The following THEM4 variants were observed in gnomAD, a reference collection of about 807,000 sequenced individuals.
THEM4 encodes acyl-coenzyme A thioesterase THEM4.
THEM4 carries 22 observed loss-of-function variants against 25.0 expected under a neutral mutation model. The observed-to-expected ratio is 0.88, with a 90% CI of 0.63 to 1.26. The LOEUF (loss-of-function observed/expected upper bound fraction) is 1.26, where lower values mean the gene tolerates loss of function less well. THEM4 is among the 50% of genes most tolerant of loss of function. The pLI, the probability that THEM4 is intolerant of heterozygous loss-of-function variation, is 0.00. For missense variants in THEM4, 286 were observed against 300.3 expected (o/e 0.95, Z 0.35); for synonymous variants, 113 against 105.6 (o/e 1.07, Z -0.43).
intron 4 of THEM4, among the ~76,000 whole-genome samples, chr1:151,884,370 T>C (rs1296004156): frequency 6.6e-6 from 1 of 152,232 alleles, no homozygotes; most frequent in Non-Finnish European, 1.5e-5. Flanking sequence ...CTGTGTTATC[T>C]ATCCATAAGA....
Position 151,909,380 on chromosome 1 carries a change from T to G in THEM4, c.79A>C (p.Ser27Arg). ...CTCACCAGCTCGGGTCGCGGCTCGC[T>G]TCCCGGCAGGCGCCGGCCTACTGGC... ...LPPVGRRLPG[S>R]EPRPELRSFS... Residue 27 changes from serine (S) to arginine (R), a missense_variant, in exon 1 of 6, where the codon AGC becomes CGC. Ser to Arg is a moderately radical substitution (Grantham distance 110, BLOSUM62 -1). Coordinates refer to ENST00000368814, the MANE Select transcript of THEM4 (RefSeq NM_053055.5). The G allele has an allele frequency of 6.6e-7, 1 of 1,507,252 alleles. No homozygotes were observed. Among genetic ancestry groups the G allele is most frequent in the Non-Finnish European group, 8.8e-7 (1 of 1,134,128 alleles). The allele number at this position is 1,507,252 out of a possible 1,614,324, so 93.4% of individuals were successfully genotyped here. A position where few individuals can be genotyped will look rare whatever the true frequency, so the allele number is the denominator to read the frequency against.
chr1:151,891,462 T>A (rs1188542382), intron 2 of THEM4: 1 of 152,196 alleles, frequency 6.6e-6, no homozygotes, highest in East Asian at 1.9e-4. Flanking sequence ...GATGGTTGGA[T>A]TCATCCAGGG....
chr1:151,892,116 C>G (rs1182043001), intron 2 of THEM4, among the ~76,000 whole-genome samples: 1 of 152,030 alleles, frequency 6.6e-6, no homozygotes, highest in Non-Finnish European at 1.5e-5. Context: ...GGTTTGAAAA[C>G]AAGTGTGGGT....
chr1:151,879,794 T>C (rs1244063674), intron 4 of THEM4, among the ~76,000 whole-genome samples: 1 of 150,150 alleles, frequency 6.7e-6, no homozygotes, highest in Admixed American at 6.6e-5. Context: ...GTAGCTGGGA[T>C]TACAGGCACA....
At chr1:151,880,468 ACT>A (rs1056490845) in intron 4 of THEM4, among the ~76,000 whole-genome samples, 2 of 150,862 alleles carry the variant, frequency 1.3e-5, no homozygotes, top group Admixed American at 6.6e-5. Context: ...ACAGAGCGAG[ACT>A]CTGTCTTGAA....
chr1:151,907,100 A>G lies in THEM4; in HGVS notation c.99+2260T>C, dbSNP rs145802673. Among the ~76,000 whole-genome samples the G allele has an allele frequency of 1.4e-3, 215 of 152,276 alleles. 1 individual carries two copies. Among genetic ancestry groups the G allele is most frequent in the African/African-American group, 4.9e-3 (202 of 41,542 alleles). ...TGTAACACTCACCGCGAAGGTCTGCAGCTTCACTCCTGAAGCCAACGAGAC... is the reference window on the plus strand; with the variant it reads ...TGTAACACTCACCGCGAAGGTCTGCGGCTTCACTCCTGAAGCCAACGAGAC... On this transcript the variant is annotated intron_variant, in intron 1 of 5. Transcript: ENST00000368814.
chr1:151,891,887 G>A (rs909854354), intron 2 of THEM4, among the ~76,000 whole-genome samples: 1 of 152,168 alleles, frequency 6.6e-6, no homozygotes, highest in Non-Finnish European at 1.5e-5. Context: ...ACAGATGACA[G>A]CAACAAGGAG....
In THEM4 at chr1:151,871,073, CCA is replaced by C. The variant is rs1653541122; in HGVS notation, c.*3813_*3814del. 6.6e-6 allele frequency among the ~76,000 whole-genome samples: 1 copy of C among 151,826 alleles called. No individual in the cohort carries two copies. The highest frequency in any genetic ancestry group is 6.6e-5 in the Admixed American group (1 of 15,256). ...AGCAAGGTGGCTCATGCCTGTAATCCCAGTACTTTGGCAGGCTGAGGTGGGCA... is the reference window on the plus strand; with the variant it reads ...AGCAAGGTGGCTCATGCCTGTAATCCGTACTTTGGCAGGCTGAGGTGGGCA... On this transcript the variant is annotated 3_prime_UTR_variant, in exon 6 of 6. Transcript: ENST00000368814.
intron 1 of THEM4, 116 bp from the exon 2 acceptor site, chr1:151,895,310 C>A (rs1365843605): frequency 1.1e-6 from 1 of 906,924 alleles, no homozygotes; most frequent in Non-Finnish European, 1.6e-6. Context: ...AAGCTTGTCA[C>A]TTCAAAATGG....
intron 5 of THEM4, among the ~76,000 whole-genome samples, chr1:151,876,357 C>T (rs2101714433): frequency 6.6e-6 from 1 of 152,260 alleles, no homozygotes; most frequent in Non-Finnish European, 1.5e-5. Flanking sequence ...ATCACTGGAA[C>T]CCGATAGCAA....
chr1:151,900,795 TG>T (rs1397013034), intron 1 of THEM4, among the ~76,000 whole-genome samples: 1 of 152,180 alleles, frequency 6.6e-6, no homozygotes, highest in Admixed American at 6.5e-5. Context: ...GGCCATAAAC[TG>T]GCCCCAAAAC....
intron 1 of THEM4, among the ~76,000 whole-genome samples, chr1:151,896,517 T>C (rs1245624049): frequency 6.6e-6 from 1 of 152,202 alleles, no homozygotes; most frequent in Non-Finnish European, 1.5e-5. Flanking sequence ...TAGGTACTAT[T>C]TATTATCCTC....
chr1:151,887,698 T>G (rs766087850), intron 4 of THEM4, among the ~76,000 whole-genome samples: 4 of 152,106 alleles, frequency 2.6e-5, no homozygotes, highest in African/African-American at 9.7e-5. Flanking sequence ...TGCAGTGGCA[T>G]GATCCTAGCT....
chr1:151,908,558 T>G (rs1310271428), intron 1 of THEM4, among the ~76,000 whole-genome samples: 1 of 152,214 alleles, frequency 6.6e-6, no homozygotes, highest in Admixed American at 6.5e-5. Context: ...TATTGGCCGC[T>G]TGGTGGAGCT....
intron 1 of THEM4, among the ~76,000 whole-genome samples, chr1:151,895,988 C>CTT (rs1176553580): frequency 1.3e-3 from 150 of 119,160 alleles, no homozygotes; most frequent in Middle Eastern, 5.7e-3. Flanking sequence ...TTCTTGCTTC[C>CTT]TTTTTTTTTT....
chr1:151,875,666 G>T (rs1653655833), intron 5 of THEM4, among the ~76,000 whole-genome samples: 2 of 151,950 alleles, frequency 1.3e-5, no homozygotes, highest in South Asian at 4.2e-4. Flanking sequence ...CATATGAAGA[G>T]ACACTCAACC....
chr1:151,878,913 C>CACAT (rs1653748255), intron 4 of THEM4, among the ~76,000 whole-genome samples: 1 of 151,256 alleles, frequency 6.6e-6, no homozygotes, highest in South Asian at 2.1e-4. Context: ...CACACACACA[C>CACAT]ACACACACAC....
chr1:151,878,395 C>T (rs749159105), intron 4 of THEM4, among the ~76,000 whole-genome samples: 19 of 152,298 alleles, frequency 1.2e-4, no homozygotes, highest in South Asian at 8.3e-4. Context: ...TTCTCTGAGG[C>T]GCTAGGCTTA....
chr1:151,889,438 A>C, intron 2 of THEM4, 65 bp from the exon 3 acceptor site: 1 of 1,531,500 alleles, frequency 6.5e-7, no homozygotes, highest in Non-Finnish European at 9.0e-7. Context: ...GGCAGAGCCA[A>C]GCACCTGTAC....
Sources: allele counts gnomAD v4.1 joint callset (sites outside exome capture counted in the v4.1 genomes callset), GRCh38; gene constraint gnomAD v4.1.1; transcripts MANE v1.5; gene names NCBI Gene and HGNC (gene_info 2026-07-23, HGNC 2026-07-21).